Variants in SERINC5 observed in about 807,000 individuals in gnomAD.
SERINC5 encodes the protein chromosome 5 open reading frame 12.
SERINC5 carries 41 observed loss-of-function variants against 63.1 expected under a neutral mutation model. The observed-to-expected ratio is 0.65, with a 90% CI of 0.51 to 0.84. The LOEUF (loss-of-function observed/expected upper bound fraction) is 0.84, where lower values mean the gene tolerates loss of function less well. Ranked by LOEUF, SERINC5 falls within the 40% of genes least tolerant of loss-of-function variation. SERINC5 has a pLI of 0.00. For synonymous variants in SERINC5, 222 were observed against 215.2 expected (o/e 1.03, Z -0.28); for missense variants, 523 against 573.0 (o/e 0.91, Z 0.89).
chr5:80,200,495 AAAG>A (rs1276561852), intron 2 of SERINC5, among the ~76,000 whole-genome samples: 16 of 151,474 alleles, frequency 1.1e-4, no homozygotes, highest in African/African-American at 2.9e-4. Flanking sequence ...CAAAAAAACA[AAAG>A]AAAAGAAAAG....
chr5:80,241,009 G>C (rs534872235), intron 1 of SERINC5, among the ~76,000 whole-genome samples: 147 of 152,104 alleles, frequency 9.7e-4, no homozygotes, highest in Non-Finnish European at 1.8e-3. Flanking sequence ...TTGTTTTTAA[G>C]TTAGTTTTCA....
At chr5:80,181,092 C>T (rs534452519) in intron 2 of SERINC5, among the ~76,000 whole-genome samples, 1 of 152,194 alleles carries the variant, frequency 6.6e-6, no homozygotes, top group Non-Finnish European at 1.5e-5. Context: ...GTTGGGAAGT[C>T]GCAGCTATCT....
intron 11 of SERINC5, among the ~76,000 whole-genome samples, chr5:80,131,061 A>G (rs1744926833): frequency 6.6e-6 from 1 of 152,212 alleles, no homozygotes; most frequent in African/African-American, 2.4e-5. Flanking sequence ...TGTAATACAT[A>G]TTTGAGGAAG....
intron 6 of SERINC5, 52 bp from the exon 7 acceptor site, chr5:80,166,530 G>T: frequency 2.4e-6 from 3 of 1,273,410 alleles, no homozygotes; most frequent in South Asian, 2.6e-5. Flanking sequence ...GAAAAAGAAA[G>T]CACATGCCTA....
intron 5 of SERINC5, 142 bp downstream of exon 5, chr5:80,174,812 G>A (rs1478058981): frequency 3.6e-6 from 2 of 562,718 alleles, no homozygotes; most frequent in Non-Finnish European, 6.4e-6. Context: ...GAATGAAGGA[G>A]AGGAGTAAAT....
At chr5:80,215,489 A>AC (rs1750621869) in intron 1 of SERINC5, among the ~76,000 whole-genome samples, 2 of 152,232 alleles carry the variant, frequency 1.3e-5, no homozygotes, top group Admixed American at 1.3e-4. Context: ...TAATACGGCT[A>AC]CCTAAAAGTT....
chr5:80,124,838 CAG>C (rs936608306), intron 11 of SERINC5, among the ~76,000 whole-genome samples: 2 of 152,172 alleles, frequency 1.3e-5, no homozygotes, highest in African/African-American at 4.8e-5. Context: ...AATTTACTAA[CAG>C]TGCCCAACTC....
At position 80,178,779 on chromosome 5, in the gene SERINC5, G is replaced by T. The variant is rs188064056; in HGVS notation, c.196-715C>A. Among the ~76,000 whole-genome samples the T allele has an allele frequency of 1.8e-3, 226 of 125,840 alleles. 2 individuals carry two copies. In the Middle Eastern group the frequency reaches 0.042, roughly 23 times the overall value. The allele number at this position is 125,840 out of a possible 152,430, so 82.6% of individuals were successfully genotyped here. A position where few individuals can be genotyped will look rare whatever the true frequency, so the allele number is the denominator to read the frequency against. ...ACTTCTTTTACTATCCACCCAAAATGTCACTCCTCTCCCTCAGAAGAGTAA... is the reference window on the plus strand; with the variant it reads ...ACTTCTTTTACTATCCACCCAAAATTTCACTCCTCTCCCTCAGAAGAGTAA... On this transcript the variant is annotated intron_variant, in intron 2 of 11. Coordinates refer to ENST00000507668, the MANE Select transcript of SERINC5 (RefSeq NM_001174072.3).
At chr5:80,124,896 T>C (rs546459456) in intron 11 of SERINC5, among the ~76,000 whole-genome samples, 1 of 152,134 alleles carries the variant, frequency 6.6e-6, no homozygotes, top group Non-Finnish European at 1.5e-5. Context: ...TTTATGAACA[T>C]GGCAATCAGA....
chr5:80,208,064 C>A (rs1251478842), intron 1 of SERINC5, among the ~76,000 whole-genome samples: 1 of 152,152 alleles, frequency 6.6e-6, no homozygotes. Context: ...GGTGCTTTCA[C>A]AAGCTTGGAG....
chr5:80,216,161 C>T (rs780861855), intron 1 of SERINC5, among the ~76,000 whole-genome samples: 1 of 152,136 alleles, frequency 6.6e-6, no homozygotes, highest in African/African-American at 2.4e-5. Context: ...TTCAGAGCAG[C>T]GTTTCTATCA....
chr5:80,119,882 T>C (rs560963305), intron 11 of SERINC5, among the ~76,000 whole-genome samples: 17 of 152,192 alleles, frequency 1.1e-4, no homozygotes, highest in Admixed American at 2.0e-4. Flanking sequence ...GGTTCAACCA[T>C]AGCAATCAAA....
intron 1 of SERINC5, among the ~76,000 whole-genome samples, chr5:80,240,162 T>C (rs867944896): frequency 6.6e-6 from 1 of 152,208 alleles, no homozygotes; most frequent in East Asian, 1.9e-4. Context: ...CCAAGCTGAA[T>C]TGAGCTTCGT....
intron 1 of SERINC5, among the ~76,000 whole-genome samples, chr5:80,232,620 C>T (rs1188291896): frequency 3.3e-5 from 5 of 151,924 alleles, no homozygotes; most frequent in Non-Finnish European, 7.4e-5. Flanking sequence ...CCCATCTCTA[C>T]TAAAACTATG....
At chr5:80,237,388 C>A (rs1299263230) in intron 1 of SERINC5, among the ~76,000 whole-genome samples, 2 of 151,524 alleles carry the variant, frequency 1.3e-5, no homozygotes, top group African/African-American at 2.4e-5. Context: ...GGCTGGGTTG[C>A]AGTGGTACAA....
At position 80,142,944 on chromosome 5, in the gene SERINC5, T is replaced by C; in HGVS notation, c.*719A>G. ...CTCGGATCAGGTAGTGATAATAAGG[T>C]GGGGAACCACCTGGGGGGTGATCAG... On this transcript the variant is annotated 3_prime_UTR_variant, in exon 12 of 12. Transcript: ENST00000507668. The C allele has an allele frequency of 1.0e-6, 1 of 985,414 alleles. No homozygotes were observed. Among genetic ancestry groups the C allele is most frequent in the Non-Finnish European group, 1.2e-6 (1 of 829,928 alleles). The allele number at this position is 985,414 out of a possible 1,614,324, so 61.0% of individuals were successfully genotyped here.
intron 7 of SERINC5, among the ~76,000 whole-genome samples, chr5:80,165,190 T>C (rs1248668818): frequency 6.6e-6 from 1 of 152,004 alleles, no homozygotes; most frequent in Non-Finnish European, 1.5e-5. Context: ...AGAGTCAAGA[T>C]AGAGTATTTA....
At chr5:80,185,300 C>A (rs1028118643) in intron 2 of SERINC5, among the ~76,000 whole-genome samples, 1 of 152,152 alleles carries the variant, frequency 6.6e-6, no homozygotes, top group Non-Finnish European at 1.5e-5. Context: ...ATTCCTAACT[C>A]CACTGCTAAC....
chr5:80,115,243 G>A (rs1431019476), intron 11 of SERINC5, among the ~76,000 whole-genome samples: 1 of 151,998 alleles, frequency 6.6e-6, no homozygotes, highest in East Asian at 1.9e-4. Context: ...ATCACTGCTA[G>A]GGTGAAACTG....
Sources: allele counts gnomAD v4.1 joint callset (sites outside exome capture counted in the v4.1 genomes callset), GRCh38; gene constraint gnomAD v4.1.1; transcripts MANE v1.5; gene names NCBI Gene and HGNC (gene_info 2026-07-23, HGNC 2026-07-21).